The following FAM13B variants were observed in gnomAD, a reference collection of about 807,000 sequenced individuals.
The protein encoded by FAM13B is family with sequence similarity 13 member B.
A neutral mutation model predicts 117.3 loss-of-function variants in FAM13B; 60 were observed. The observed-to-expected ratio is 0.51, with a 90% CI of 0.42 to 0.63. The LOEUF is 0.63. FAM13B is among the 30% of genes least tolerant of loss of function. FAM13B has a pLI of 0.00. For synonymous variants in FAM13B, 332 were observed against 356.1 expected, an observed-to-expected ratio of 0.93 and a Z score of 0.76; for missense variants, 972 against 1,091.9, an observed-to-expected ratio of 0.89 and a Z score of 1.55.
chr5:137,966,523 A>AGAGG (rs1554069751), intron 10 of FAM13B, among the ~76,000 whole-genome samples: 3 of 138,246 alleles, frequency 2.2e-5, no homozygotes, highest in African/African-American at 5.2e-5. Context: ...AGAGAGAGAG[A>AGAGG]GGGAAAGAGA....
At chr5:137,965,191 TAAAATAAAATATCAGCAGGC>T (rs1769330735) in intron 10 of FAM13B, among the ~76,000 whole-genome samples, 1 of 151,906 alleles carries the variant, frequency 6.6e-6, no homozygotes. Context: ...AATATATAAA[TAAAATAAAATATCAGCAGGC>T]AAAATAACCC....
In FAM13B at chr5:137,954,158, T is replaced by G. The variant is rs983312232; in HGVS notation, c.1718+8A>C. Reference sequence around the variant, plus strand: ...ATTGCCTCTTGTAAGTACATAAAAATCATATACCTAGTAAAAGACAGTGCT... The same window carrying G: ...ATTGCCTCTTGTAAGTACATAAAAAGCATATACCTAGTAAAAGACAGTGCT... On this transcript the variant is annotated splice_region_variant and intron_variant, in intron 15 of 23. Transcript: ENST00000689681. The G allele has an allele frequency of 2.5e-6, 4 of 1,601,842 alleles. No individual in the cohort carries two copies. In the African/African-American group the frequency reaches 5.4e-5, roughly 22 times the overall value.
chr5:138,014,338 G>A (rs1345672536), intron 4 of FAM13B, among the ~76,000 whole-genome samples: 1 of 152,248 alleles, frequency 6.6e-6, no homozygotes, highest in Non-Finnish European at 1.5e-5. Context: ...TGGCCTGTTA[G>A]GAACTGGGCC....
chr5:137,996,961 A>C (rs547052886), intron 7 of FAM13B, among the ~76,000 whole-genome samples: 1 of 152,336 alleles, frequency 6.6e-6, no homozygotes, highest in Admixed American at 6.5e-5. Flanking sequence ...GAACTTTATA[A>C]CACGAAGTAA....
At position 137,954,395 on chromosome 5, in the gene FAM13B, G is replaced by A. The variant is rs1193514001; in HGVS notation, c.1508-19C>T. 1 of 1,595,498 alleles carries A rather than the reference G, an allele frequency of 6.3e-7. No homozygotes were observed. Among genetic ancestry groups the A allele is most frequent in the Non-Finnish European group, 8.6e-7 (1 of 1,167,108 alleles). ...AATGGCTCTATAAAACAAACACAAA[G>A]AATAGTACCATGGGTCTCTTGATTC... On this transcript the variant is annotated intron_variant, in intron 14 of 23. Coordinates refer to ENST00000689681, the MANE Select transcript of FAM13B (RefSeq NM_001385994.1).
At chr5:137,975,294 T>C (rs558779319) in intron 10 of FAM13B, among the ~76,000 whole-genome samples, 1 of 152,208 alleles carries the variant, frequency 6.6e-6, no homozygotes, top group Non-Finnish European at 1.5e-5. Flanking sequence ...TCTAAATTTC[T>C]AATCCACCCA....
upstream of FAM13B, among the ~76,000 whole-genome samples, chr5:138,035,088 A>G (rs913699567): frequency 4.5e-5 from 6 of 133,800 alleles, no homozygotes; most frequent in African/African-American, 2.8e-5. Context: ...TTATGGCTCA[A>G]TACAGCCTCA....
chr5:137,987,128 C>T lies in FAM13B; in HGVS notation c.1046+333G>A, dbSNP rs144024304. On this transcript the variant is annotated intron_variant, in intron 9 of 23. Coordinates refer to ENST00000689681, the MANE Select transcript of FAM13B (RefSeq NM_001385994.1). The stretch of plus-strand genomic sequence containing the variant: ...CCCCTGTAACTGTCTGTCTAGATCA[C>T]TCTGTTGCAGAGTCTAATTTTTTAA... Among the ~76,000 whole-genome samples the T allele has an allele frequency of 4.9e-3, 753 of 152,298 alleles. 2 individuals are homozygous for T. Among genetic ancestry groups the T allele is most frequent in the Non-Finnish European group, 8.2e-3 (558 of 68,022 alleles).
intron 10 of FAM13B, among the ~76,000 whole-genome samples, chr5:137,982,765 T>G (rs537356640): frequency 6.9e-4 from 105 of 152,336 alleles, no homozygotes; most frequent in African/African-American, 2.4e-3. Flanking sequence ...CTGTGGGTCT[T>G]GATTTCTGAA....
intron 2 of FAM13B, 61 bp from the exon 3 acceptor site, chr5:138,019,207 A>C (rs548328118): frequency 4.7e-5 from 68 of 1,458,184 alleles, no homozygotes; most frequent in South Asian, 1.6e-4. Context: ...ATATGACTAG[A>C]TACATTAAAG....
chr5:137,946,205 C>A, intron 19 of FAM13B, 23 bp downstream of exon 19: 1 of 1,556,490 alleles, frequency 6.4e-7, no homozygotes, highest in Non-Finnish European at 8.7e-7. Flanking sequence ...AAAATCAAAT[C>A]TTTTTAGCAA....
At chr5:137,958,118 C>A (rs1362186509) in intron 13 of FAM13B, among the ~76,000 whole-genome samples, 1 of 152,308 alleles carries the variant, frequency 6.6e-6, no homozygotes, top group Non-Finnish European at 1.5e-5. Flanking sequence ...CCTAGCAATG[C>A]TGCAAGGGAT....
At chr5:138,034,562 T>C (rs1054845304), upstream of FAM13B, among the ~76,000 whole-genome samples, 1 of 152,250 alleles carries the variant, frequency 6.6e-6, no homozygotes, top group Non-Finnish European at 1.5e-5. Context: ...ATTCATATCA[T>C]GGTTTACAAA....
Position 137,940,221 on chromosome 5 carries a change from T to C in FAM13B, c.*4A>G, listed in dbSNP as rs755992514. 1 of 1,613,950 alleles carries C rather than the reference T, an allele frequency of 6.2e-7. No homozygotes were observed. The highest frequency in any genetic ancestry group is 8.5e-7 in the Non-Finnish European group (1 of 1,179,906). ...TTATGATATGAATTTTCAAGGAACG[T>C]ATCTTATATGGATTTTGAAGAATCT... On this transcript the variant is annotated 3_prime_UTR_variant, in exon 24 of 24. Coordinates refer to ENST00000689681, the MANE Select transcript of FAM13B (RefSeq NM_001385994.1).
At chr5:138,044,796 C>T (rs756231017) in intron 1 of FAM13B, among the ~76,000 whole-genome samples, 2 of 152,062 alleles carry the variant, frequency 1.3e-5, no homozygotes, top group Admixed American at 6.6e-5. Flanking sequence ...TTTAAAAAGA[C>T]AATCTAATAT....
chr5:138,013,671 G>A (rs1437622269), intron 4 of FAM13B, among the ~76,000 whole-genome samples: 1 of 152,078 alleles, frequency 6.6e-6, no homozygotes, highest in Non-Finnish European at 1.5e-5. Flanking sequence ...ATAGTCCCTG[G>A]ATTAATGTTT....
At chr5:138,007,480 G>A (rs571304741) in intron 6 of FAM13B, among the ~76,000 whole-genome samples, 4 of 152,214 alleles carry the variant, frequency 2.6e-5, no homozygotes, top group Middle Eastern at 3.4e-3. Context: ...AACTAGTTTC[G>A]TAAATGTAAC....
chr5:138,004,915 C>A (rs1026062550), intron 7 of FAM13B, among the ~76,000 whole-genome samples: 4 of 152,040 alleles, frequency 2.6e-5, no homozygotes, highest in African/African-American at 9.7e-5. Context: ...AGCTAATGGC[C>A]ACCTTATTGG....
At chr5:138,015,742 GAA>G (rs1158761439) in intron 4 of FAM13B, among the ~76,000 whole-genome samples, 2 of 152,150 alleles carry the variant, frequency 1.3e-5, no homozygotes, top group Non-Finnish European at 1.5e-5. Flanking sequence ...TACAGTAAAT[GAA>G]GAGAGGAAAC....
Sources: allele counts gnomAD v4.1 joint callset (sites outside exome capture counted in the v4.1 genomes callset), GRCh38; gene constraint gnomAD v4.1.1; transcripts MANE v1.5; gene names NCBI Gene and HGNC (gene_info 2026-07-23, HGNC 2026-07-21).